Variants in KIFBP observed in about 807,000 individuals in gnomAD.
The protein encoded by KIFBP is kinesin family binding protein.
Under a neutral mutation model 58.9 loss-of-function variants are expected in KIFBP, and 46 were observed. The observed-to-expected ratio is 0.78, with a 90% CI of 0.62 to 1.00. The LOEUF (loss-of-function observed/expected upper bound fraction) is 1.00. KIFBP is among the 50% of genes least tolerant of loss of function. The pLI is 0.00. For missense variants in KIFBP, 651 were observed against 752.9 expected (o/e 0.86, Z 1.58); for synonymous variants, 241 against 283.4 (o/e 0.85, Z 1.50).
At chr10:69,010,604 T>C (rs1386846366) in intron 5 of KIFBP, among the ~76,000 whole-genome samples, 4 of 152,232 alleles carry the variant, frequency 2.6e-5, no homozygotes, top group Non-Finnish European at 4.4e-5. Context: ...AATGGTTAAA[T>C]AATAGAATAT....
intron 1 of KIFBP, among the ~76,000 whole-genome samples, chr10:68,999,448 G>GA (rs916441957): frequency 7.9e-5 from 12 of 151,088 alleles, no homozygotes; most frequent in Admixed American, 1.3e-4. Flanking sequence ...ATAGTATTTT[G>GA]AAAGTATTAT....
intron 3 of KIFBP, among the ~76,000 whole-genome samples, 160 bp from the exon 4 acceptor site, chr10:69,005,572 A>C (rs1275958938): frequency 6.6e-6 from 1 of 151,932 alleles, no homozygotes; most frequent in Non-Finnish European, 1.5e-5. Flanking sequence ...GCTACTCGGG[A>C]GGCTGAGGCA....
chr10:68,996,421 C>T (rs551408264), intron 1 of KIFBP, among the ~76,000 whole-genome samples: 102 of 151,552 alleles, frequency 6.7e-4, no homozygotes, highest in African/African-American at 2.1e-3. Flanking sequence ...ATTAGCTGGG[C>T]GTGATGTTGG....
intron 1 of KIFBP, among the ~76,000 whole-genome samples, chr10:68,993,822 A>C (rs1312542827): frequency 2.6e-5 from 4 of 151,978 alleles, no homozygotes; most frequent in Admixed American, 6.6e-5. Context: ...GTAATTAGAA[A>C]CTCTGATTGG....
chr10:68,989,105 G>A lies in KIFBP; in HGVS notation c.273G>A (p.Ala91=). The A allele has an allele frequency of 6.2e-7, 1 of 1,610,728 alleles. No individual in the cohort carries two copies. The highest frequency in any genetic ancestry group is 2.2e-5 in the East Asian group (1 of 44,796). ...VEPEGPVAQR[A]VRLAVIEFHL... is the part of the protein sequence containing the mutation. ...CCGAGGGGCCCGTCGCCCAGCGAGC[G>A]GTGAGGCTGGCAGTCATCGAGTTCC... Residue 91 remains alanine (A), a synonymous_variant, in exon 1 of 7, where the codon GCG becomes GCA. Coordinates refer to ENST00000361983, the MANE Select transcript of KIFBP (RefSeq NM_015634.4).
rs1589299144 is a variant in KIFBP at position 69,016,157 on chromosome 10, G to A, written c.1607G>A (p.Gly536Glu). ...AATAAAGTATTCCCTGAGCATATAG[G>A]GGAAGATGTTCTTCGCCCTGCCATG... ...DPNKVFPEHI[G>E]EDVLRPAMLA... Residue 536 changes from glycine to glutamate, a missense_variant, in exon 7 of 7, where the codon GGG (glycine) becomes GAG (glutamate). Gly to Glu is a moderately conservative substitution (Grantham distance 98). Transcript: ENST00000361983. 6.2e-7 allele frequency: 1 copy of A among 1,614,146 alleles called. No individual in the cohort carries two copies. The highest frequency in any genetic ancestry group is 1.1e-5 in the South Asian group (1 of 91,064).
At chr10:69,008,752 T>C in intron 4 of KIFBP, 89 bp from the exon 5 acceptor site, 3 of 1,014,320 alleles carry the variant, frequency 3.0e-6, no homozygotes, top group Non-Finnish European at 4.7e-6. Context: ...ATTTTATACC[T>C]TTTCCCATAT....
rs748803510 is a variant in KIFBP, at chr10:69,012,978, A to G, written c.990+1963A>G. ...GGAAGCATGACTAGGAGCCCTCAGGAAACTTAGAATCATGGCGGAAGGCGA... is the reference window on the plus strand; with the variant it reads ...GGAAGCATGACTAGGAGCCCTCAGGGAACTTAGAATCATGGCGGAAGGCGA... On this transcript the variant is annotated intron_variant, in intron 6 of 6. Transcript: ENST00000361983. Among the ~76,000 whole-genome samples, 4 of 152,058 alleles carry G rather than the reference A, an allele frequency of 2.6e-5. No individual in the cohort carries two copies. In the South Asian group the frequency reaches 8.3e-4, roughly 32 times the overall value.
intron 1 of KIFBP, among the ~76,000 whole-genome samples, chr10:68,997,986 C>T (rs888834325): frequency 6.6e-6 from 1 of 151,912 alleles, no homozygotes; most frequent in Non-Finnish European, 1.5e-5. Flanking sequence ...GTAAGTTTCC[C>T]GAGGCCTCCC....
At position 69,010,703 on chromosome 10, in the gene KIFBP, T is replaced by C. The variant is rs187216400; in HGVS notation, c.875-197T>C. On this transcript the variant is annotated intron_variant, in intron 5 of 6. Transcript: ENST00000361983. ...AAGTGTTTGTGGTGCGAGAAAGAAA[T>C]ATGCAAAAATAATAGTGAGTGCTTC... Among the ~76,000 whole-genome samples the C allele has an allele frequency of 9.1e-4, 138 of 152,250 alleles. 1 individual carries two copies. The highest frequency in any genetic ancestry group is 3.2e-3 in the African/African-American group (134 of 41,540).
chr10:69,003,242 A>G (rs926015360), intron 2 of KIFBP, among the ~76,000 whole-genome samples: 11 of 152,148 alleles, frequency 7.2e-5, no homozygotes, highest in African/African-American at 1.9e-4. Flanking sequence ...ATAAAATAAT[A>G]TATTGATTAA....
chr10:69,003,610 A>G (rs1843495721), intron 2 of KIFBP, among the ~76,000 whole-genome samples: 1 of 152,172 alleles, frequency 6.6e-6, no homozygotes, highest in African/African-American at 2.4e-5. Flanking sequence ...AATATTACTT[A>G]ATCCTCATGA....
At position 69,005,044 on chromosome 10, in the gene KIFBP, A is replaced by G; in HGVS notation, c.526-2A>G. Reference sequence around the variant, plus strand: ...AAGAGCTTTTGTTTTTCTTAATTGTAGGTTGGGAGTCCTCCTCTTGATCCT... The same window carrying G: ...AAGAGCTTTTGTTTTTCTTAATTGTGGGTTGGGAGTCCTCCTCTTGATCCT... On this transcript the variant is annotated splice_acceptor_variant, in intron 2 of 6. Coordinates refer to ENST00000361983, the MANE Select transcript of KIFBP (RefSeq NM_015634.4). LOFTEE classifies it high-confidence loss of function. 1.9e-6 allele frequency: 3 copies of G among 1,609,904 alleles called. No homozygotes were observed. The highest frequency in any genetic ancestry group is 4.5e-5 in the East Asian group (2 of 44,826).
chr10:68,990,281 G>A (rs1225414123), intron 1 of KIFBP, among the ~76,000 whole-genome samples: 1 of 152,128 alleles, frequency 6.6e-6, no homozygotes, highest in Non-Finnish European at 1.5e-5. Flanking sequence ...TGTAATCCCA[G>A]CATTTTGGGA....
At chr10:69,012,590 T>G (rs1295051834) in intron 6 of KIFBP, among the ~76,000 whole-genome samples, 1 of 152,016 alleles carries the variant, frequency 6.6e-6, no homozygotes, top group Non-Finnish European at 1.5e-5. Context: ...GTTCTCACAC[T>G]GCTATAAAGA....
chr10:68,994,395 A>G (rs1307224627), intron 1 of KIFBP, among the ~76,000 whole-genome samples: 2 of 152,140 alleles, frequency 1.3e-5, no homozygotes, highest in Non-Finnish European at 2.9e-5. Flanking sequence ...CTTTGTCTTA[A>G]TCTGGTGTAT....
chr10:69,004,129 T>A (rs2487705), intron 2 of KIFBP, among the ~76,000 whole-genome samples: 141,849 of 151,262 alleles, frequency 0.94, 66,579 homozygotes, highest in East Asian at 0.99. Flanking sequence ...TTAAGGCAGG[T>A]GAATCGCTTG....
chr10:68,999,522 T>C (rs1843441895), intron 1 of KIFBP, among the ~76,000 whole-genome samples: 1 of 152,132 alleles, frequency 6.6e-6, no homozygotes, highest in Non-Finnish European at 1.5e-5. Flanking sequence ...GATTGTTCCT[T>C]ACTCAAAGGC....
intron 6 of KIFBP, 70 bp downstream of exon 6, chr10:69,011,085 A>T: frequency 1.0e-6 from 1 of 967,048 alleles, no homozygotes; most frequent in Admixed American, 1.7e-5. Context: ...CATAGTGGGG[A>T]TTGTGCTCAT....
Sources: allele counts gnomAD v4.1 joint callset (sites outside exome capture counted in the v4.1 genomes callset), GRCh38; gene constraint gnomAD v4.1.1; transcripts MANE v1.5; gene names NCBI Gene and HGNC (gene_info 2026-07-23, HGNC 2026-07-21).